Variants in FLVCR2 observed in about 807,000 individuals in gnomAD.
FLVCR2 encodes choline/ethanolamine transporter FLVCR2.
A neutral mutation model predicts 48.9 loss-of-function variants in FLVCR2; 38 were observed. The ratio of observed to expected loss-of-function variants is 0.78; its 90% CI spans 0.60 to 1.02. The LOEUF is 1.02. Among genes scored for constraint, FLVCR2 ranks in the 50% least tolerant of loss-of-function variants. FLVCR2 has a pLI of 0.00. For synonymous variants in FLVCR2, 255 were observed against 257.0 expected (o/e 0.99, Z 0.07); for missense variants, 664 against 663.3 (o/e 1.00, Z -0.01).
At chr14:75,599,803 T>C (rs1364236729) in intron 1 of FLVCR2, among the ~76,000 whole-genome samples, 2 of 152,178 alleles carry the variant, frequency 1.3e-5, no homozygotes, top group Admixed American at 1.3e-4. Context: ...ATATAAACCC[T>C]TGTGTATGTG....
intron 1 of FLVCR2, among the ~76,000 whole-genome samples, chr14:75,618,191 CAG>C (rs1369181096): frequency 6.6e-6 from 1 of 152,106 alleles, no homozygotes; most frequent in Non-Finnish European, 1.5e-5. Context: ...TAGCTAGGAG[CAG>C]AGCTGCATGG....
chr14:75,594,858 A>T (rs1888978434), intron 1 of FLVCR2, among the ~76,000 whole-genome samples: 1 of 152,114 alleles, frequency 6.6e-6, no homozygotes, highest in South Asian at 2.1e-4. Context: ...AGCTGGGACC[A>T]TAGGCACACA....
At chr14:75,628,198 T>C (rs1465208342) in intron 3 of FLVCR2, among the ~76,000 whole-genome samples, 1 of 152,092 alleles carries the variant, frequency 6.6e-6, no homozygotes, top group Non-Finnish European at 1.5e-5. Context: ...CACTGCAACC[T>C]CCACCTTCCA....
chr14:75,646,404 C>T lies in FLVCR2; in HGVS notation c.1513C>T (p.Leu505Phe). ...KANKETLENK[L>F]QEEEEESNTS... The stretch of plus-strand genomic sequence containing the variant: ...GCCTGTTTGTTTTGCTTTATAGAAA[C>T]TCCAAGAGGAGGAGGAGGAGAGCAA... The change falls in exon 10 of 10, where the codon CTC (leucine) becomes TTC (phenylalanine). Residue 505 changes from leucine (L) to phenylalanine (F), a missense_variant. Transcript: ENST00000238667. 1 of 1,613,140 alleles carries T rather than the reference C, an allele frequency of 6.2e-7. No homozygotes were observed. The highest frequency in any genetic ancestry group is 8.5e-7 in the Non-Finnish European group (1 of 1,179,194).
chr14:75,624,548 G>A, intron 2 of FLVCR2, 64 bp from the exon 3 acceptor site: 1 of 1,598,136 alleles, frequency 6.3e-7, no homozygotes, highest in Non-Finnish European at 8.6e-7. Flanking sequence ...TCATTCATGT[G>A]GAACCAGCTC....
At chr14:75,623,201 C>T (rs112049781) in intron 2 of FLVCR2, among the ~76,000 whole-genome samples, 90 of 152,170 alleles carry the variant, frequency 5.9e-4, no homozygotes, top group East Asian at 2.5e-3. Flanking sequence ...AGGCTGGTCT[C>T]GAGCTCCTGA....
At chr14:75,607,811 A>G (rs1889332683) in intron 1 of FLVCR2, among the ~76,000 whole-genome samples, 1 of 152,002 alleles carries the variant, frequency 6.6e-6, no homozygotes, top group African/African-American at 2.4e-5. Flanking sequence ...GGTGGTTCAC[A>G]CCTGTAATCC....
At chr14:75,634,215 A>G (rs760214976) in intron 4 of FLVCR2, among the ~76,000 whole-genome samples, 3 of 152,180 alleles carry the variant, frequency 2.0e-5, no homozygotes, top group Non-Finnish European at 4.4e-5. Context: ...TTTTGAAAGG[A>G]CTAGGCTCTC....
At chr14:75,586,169 G>C (rs1382158608) in intron 1 of FLVCR2, among the ~76,000 whole-genome samples, 3 of 152,232 alleles carry the variant, frequency 2.0e-5, no homozygotes, top group African/African-American at 7.2e-5. Context: ...ATCCGAAAAA[G>C]GAGTCAGCAA....
chr14:75,641,106 CAT>C, intron 7 of FLVCR2, 46 bp downstream of exon 7: 9 of 1,561,344 alleles, frequency 5.8e-6, no homozygotes, highest in Non-Finnish European at 8.0e-6. Context: ...GAAGGCATTG[CAT>C]CATGGCAGCT....
intron 1 of FLVCR2, among the ~76,000 whole-genome samples, chr14:75,600,865 C>T (rs1245363446): frequency 6.7e-6 from 1 of 149,440 alleles, no homozygotes; most frequent in East Asian, 1.9e-4. Flanking sequence ...GAACTCTTTA[C>T]AACTCAACCG....
intron 1 of FLVCR2, among the ~76,000 whole-genome samples, chr14:75,620,883 G>T (rs1334259664): frequency 6.6e-6 from 1 of 152,160 alleles, no homozygotes; most frequent in African/African-American, 2.4e-5. Flanking sequence ...AAAGCAAATT[G>T]TTTCTTTACC....
chr14:75,641,251 A>G lies in FLVCR2; in HGVS notation c.1411A>G (p.Ile471Val), dbSNP rs1264148841. Reference sequence around the variant, plus strand: ...CAACTATGGAACCAAGCCTGGGAACATCTTCCTGTGTGTGTTCCTTACTCT... The same window carrying G: ...CAACTATGGAACCAAGCCTGGGAACGTCTTCCTGTGTGTGTTCCTTACTCT... ...IDNYGTKPGN[I>V]FLCVFLTLGA... Residue 471 changes from isoleucine to valine, a missense_variant, in exon 8 of 10, where the codon ATC becomes GTC. Physicochemically the swap from Ile to Val is conservative, Grantham distance 29. Transcript: ENST00000238667. The G allele has an allele frequency of 6.2e-7, 1 of 1,614,016 alleles. No individual in the cohort carries two copies. Among genetic ancestry groups the G allele is most frequent in the Non-Finnish European group, 8.5e-7 (1 of 1,179,992 alleles).
rs1240705616 is a variant in FLVCR2, at chr14:75,646,496, G to C, written c.*24G>C. 2 of 1,523,692 alleles carry C rather than the reference G, an allele frequency of 1.3e-6. No individual in the cohort carries two copies. Among genetic ancestry groups the C allele is most frequent in the Admixed American group, 3.3e-5 (2 of 59,910 alleles). 94.4% of individuals were successfully genotyped at this position (1,523,692 alleles called of 1,614,324 possible). A position where few individuals can be genotyped will look rare whatever the true frequency, so the allele number is the denominator to read the frequency against. On this transcript the variant is annotated 3_prime_UTR_variant, in exon 10 of 10. Transcript: ENST00000238667. ...GAGAGGAAGGTGGTGACAACTCAGG[G>C]AACACGAACACCCCACCTTTTCCTT...
At chr14:75,646,361 G>A in intron 9 of FLVCR2, 40 bp from the exon 10 acceptor site, 2 of 1,468,950 alleles carry the variant, frequency 1.4e-6, no homozygotes, top group Non-Finnish European at 1.9e-6. Flanking sequence ...GGAGTGCTGT[G>A]CCTTTACCCA....
At position 75,584,503 on chromosome 14, in the gene FLVCR2, C is replaced by T. The variant is rs374213152; in HGVS notation, c.669+4862C>T. On this transcript the variant is annotated intron_variant, in intron 1 of 9. Transcript: ENST00000238667. ...CGGGCCATGAACTGGGCTGGGTTTT[C>T]GTCTTTACCTCGGGTAGTTTCTCTA... Among the ~76,000 whole-genome samples, 665 of 152,308 alleles carry T rather than the reference C, an allele frequency of 4.4e-3. 7 individuals carry two copies. The South Asian group carries it at 0.056, about 13-fold the overall frequency.
chr14:75,635,585 C>T (rs577661953), intron 5 of FLVCR2, among the ~76,000 whole-genome samples: 1 of 152,196 alleles, frequency 6.6e-6, no homozygotes, highest in African/African-American at 2.4e-5. Flanking sequence ...TTTTATCAGG[C>T]TGGGCGCAGT....
chr14:75,640,697 A>T, intron 6 of FLVCR2: 1 of 524,924 alleles, frequency 1.9e-6, no homozygotes, highest in African/African-American at 1.9e-5. Flanking sequence ...GCTGTCACTG[A>T]TGGCAAGATG....
intron 1 of FLVCR2, among the ~76,000 whole-genome samples, chr14:75,586,712 T>C (rs1888759523): frequency 6.6e-6 from 1 of 152,116 alleles, no homozygotes; most frequent in African/African-American, 2.4e-5. Flanking sequence ...ACTCCGGTAA[T>C]TCTGACCTCT....
Sources: gnomAD v4.1 joint callset for allele counts (sites outside exome capture counted in the v4.1 genomes callset) on GRCh38, gnomAD v4.1.1 for gene constraint, MANE v1.5 for transcripts, NCBI Gene and HGNC (gene_info 2026-07-23, HGNC 2026-07-21) for gene names.